The following ST8SIA2 variants were observed in gnomAD, a reference collection of about 807,000 sequenced individuals.
ST8SIA2 encodes the protein ST8 alpha-N-acetyl-neuraminide alpha-2,8-sialyltransferase 2, also known as alpha-2,8-sialyltransferase 8B.
A neutral mutation model predicts 37.6 loss-of-function variants in ST8SIA2; 22 were observed. The observed-to-expected ratio is 0.58, with a 90% confidence interval of 0.42 to 0.83. The LOEUF is 0.83. Ranked by LOEUF, ST8SIA2 falls within the 40% of genes least tolerant of loss-of-function variation. The pLI, the probability that ST8SIA2 is intolerant of heterozygous loss-of-function variation, is 0.00. For missense variants in ST8SIA2, 382 were observed against 484.7 expected, an observed-to-expected ratio of 0.79 and a Z score of 1.99; for synonymous variants, 205 against 201.2, an observed-to-expected ratio of 1.02 and a Z score of -0.16.
rs370891354 is a variant in ST8SIA2 at position 92,444,839 on chromosome 15, G to A, written c.752G>A (p.Arg251His). 18 of 1,613,972 alleles carry A rather than the reference G, an allele frequency of 1.1e-5. No individual in the cohort carries two copies. The African/African-American group carries it at 1.3e-4, about 12-fold the overall frequency. ...PAFMARGGKE[R>H]VEWVNELILK... The stretch of plus-strand genomic sequence containing the variant: ...TTCATGGCCCGGGGCGGCAAGGAGC[G>A]TGTTGAGTGGGTCAACGAGCTTATC... Residue 251 changes from arginine to histidine, a missense_variant, in exon 5 of 6, where the codon CGT (arginine) becomes CAT (histidine). Arg to His is a conservative substitution (Grantham distance 29). Transcript: ENST00000268164.
chr15:92,396,291 G>A (rs1222472416), intron 1 of ST8SIA2, among the ~76,000 whole-genome samples: 3 of 152,094 alleles, frequency 2.0e-5, no homozygotes, highest in Admixed American at 6.5e-5. Context: ...CTTTCGACTG[G>A]GATGGGCACT....
At chr15:92,405,030 G>A (rs765785178) in intron 1 of ST8SIA2, among the ~76,000 whole-genome samples, 53 of 152,322 alleles carry the variant, frequency 3.5e-4, no homozygotes, top group Non-Finnish European at 6.3e-4. Context: ...GGAGGCACAG[G>A]CAGGAGGATA....
chr15:92,437,852 A>C (rs561122151), intron 3 of ST8SIA2, among the ~76,000 whole-genome samples: 37 of 152,330 alleles, frequency 2.4e-4, no homozygotes, highest in African/African-American at 7.7e-4. Flanking sequence ...AGAGAAACTT[A>C]GATTTTATAC....
intron 1 of ST8SIA2, among the ~76,000 whole-genome samples, chr15:92,408,693 ATTTATTT>A (rs1197987328): frequency 6.8e-6 from 1 of 147,604 alleles, no homozygotes; most frequent in Non-Finnish European, 1.5e-5. Flanking sequence ...TTATTTATTT[ATTTATTT>A]ATTTATTTAT....
At chr15:92,420,308 C>T (rs1423633579) in intron 1 of ST8SIA2, among the ~76,000 whole-genome samples, 1 of 152,128 alleles carries the variant, frequency 6.6e-6, no homozygotes, top group Admixed American at 6.5e-5. Flanking sequence ...TATTGTCCCC[C>T]CGCCGGTTAT....
chr15:92,439,378 C>G (rs1567219783), intron 4 of ST8SIA2, among the ~76,000 whole-genome samples: 1 of 152,222 alleles, frequency 6.6e-6, no homozygotes, highest in East Asian at 1.9e-4. Context: ...CATTTGCACA[C>G]AAGGTTGCCC....
rs143233806 is a variant in ST8SIA2 at position 92,406,205 on chromosome 15, C to A, written c.98+12043C>A. ...GAGGCTTGAGATGCCAAAGCCAGTT[C>A]TCAGACTTGAGAGAGCATCACAATC... On this transcript the variant is annotated intron_variant, in intron 1 of 5. Coordinates refer to ENST00000268164, the MANE Select transcript of ST8SIA2 (RefSeq NM_006011.4). Among the ~76,000 whole-genome samples, 16 of 152,322 alleles carry A rather than the reference C, an allele frequency of 1.1e-4. No individual in the cohort carries two copies. In the East Asian group the frequency reaches 3.1e-3, roughly 29 times the overall value.
chr15:92,427,868 C>T (rs1478588723), intron 1 of ST8SIA2, among the ~76,000 whole-genome samples: 1 of 152,170 alleles, frequency 6.6e-6, no homozygotes, highest in Non-Finnish European at 1.5e-5. Flanking sequence ...CCTGTAATCC[C>T]AGCTATTTGG....
intron 5 of ST8SIA2, among the ~76,000 whole-genome samples, chr15:92,455,638 T>C (rs1429330097): frequency 1.3e-5 from 2 of 152,210 alleles, no homozygotes; most frequent in African/African-American, 4.8e-5. Flanking sequence ...GGCAGTCCAC[T>C]GTGTGTCTGG....
intron 5 of ST8SIA2, among the ~76,000 whole-genome samples, chr15:92,456,426 C>G (rs187810027): frequency 6.6e-6 from 1 of 152,280 alleles, no homozygotes; most frequent in Admixed American, 6.5e-5. Context: ...ATGTGCCATG[C>G]TAGGATCTGG....
chr15:92,457,980 A>T (rs1334027891), intron 5 of ST8SIA2, among the ~76,000 whole-genome samples: 3 of 152,192 alleles, frequency 2.0e-5, no homozygotes, highest in Admixed American at 2.0e-4. Flanking sequence ...GCAGTTACAA[A>T]GCTGTGTGCA....
chr15:92,432,898 G>A (rs947140741), intron 2 of ST8SIA2, among the ~76,000 whole-genome samples: 5 of 152,136 alleles, frequency 3.3e-5, no homozygotes, highest in African/African-American at 1.2e-4. Flanking sequence ...TTGGGAGACC[G>A]AGGCAGGCAA....
chr15:92,425,895 A>G (rs946616469), intron 1 of ST8SIA2, among the ~76,000 whole-genome samples: 1 of 152,214 alleles, frequency 6.6e-6, no homozygotes, highest in Admixed American at 6.5e-5. Context: ...GCAATTTGAC[A>G]GGAGCGTTCC....
chr15:92,416,535 AC>A (rs1392687895), intron 1 of ST8SIA2, among the ~76,000 whole-genome samples: 1 of 151,942 alleles, frequency 6.6e-6, no homozygotes, highest in Non-Finnish European at 1.5e-5. Flanking sequence ...GTCAAAGAAA[AC>A]CCGGAGAAAG....
intron 5 of ST8SIA2, among the ~76,000 whole-genome samples, chr15:92,450,045 G>A (rs772711117): frequency 6.6e-6 from 1 of 152,110 alleles, no homozygotes; most frequent in Non-Finnish European, 1.5e-5. Flanking sequence ...CTTGTGTTTG[G>A]CAATGGTCTT....
At chr15:92,430,179 T>G in intron 2 of ST8SIA2, 68 bp downstream of exon 2, 2 of 1,469,184 alleles carry the variant, frequency 1.4e-6, no homozygotes, top group Non-Finnish European at 1.9e-6. Flanking sequence ...CTTCTCTTCT[T>G]TGCTGGATGG....
Position 92,434,217 on chromosome 15 carries a change from C to G in ST8SIA2, c.162-30C>G, listed in dbSNP as rs748211592. On this transcript the variant is annotated intron_variant, in intron 2 of 5. Transcript: ENST00000268164. ...TCGTCGGCTTGCTAACACATCATGT[C>G]TACCCTCTTTCTTTTTTTTTCCCTT... 4 of 1,613,454 alleles carry G rather than the reference C, an allele frequency of 2.5e-6. No individual in the cohort carries two copies. The South Asian group carries it at 4.4e-5, about 18-fold the overall frequency.
At chr15:92,396,624 G>C (rs1489252030) in intron 1 of ST8SIA2, among the ~76,000 whole-genome samples, 4 of 152,014 alleles carry the variant, frequency 2.6e-5, no homozygotes, top group African/African-American at 4.8e-5. Flanking sequence ...CTCCCGAGTA[G>C]CTGGGATTAC....
intron 5 of ST8SIA2, among the ~76,000 whole-genome samples, chr15:92,458,427 G>A (rs79173483): frequency 0.025 from 3,826 of 152,312 alleles, 62 homozygotes; most frequent in Middle Eastern, 0.065. Flanking sequence ...GAGTGCTGCC[G>A]TCTCTGCAAC....
Sources: gnomAD v4.1 joint callset for allele counts (sites outside exome capture counted in the v4.1 genomes callset) on GRCh38, gnomAD v4.1.1 for gene constraint, MANE v1.5 for transcripts, NCBI Gene and HGNC (gene_info 2026-07-23, HGNC 2026-07-21) for gene names.